ESRRG: variants seen among roughly 807,000 people sequenced by gnomAD.
The protein encoded by ESRRG is estrogen related receptor gamma.
Under a neutral mutation model 44.0 loss-of-function variants are expected in ESRRG, and 13 were observed. The ratio of observed to expected loss-of-function variants is 0.30; its 90% CI spans 0.19 to 0.47. ESRRG has a LOEUF of 0.47. ESRRG is among the 20% of genes least tolerant of loss of function. ESRRG has a pLI of 1.00. For synonymous variants in ESRRG, 215 were observed against 214.6 expected, an observed-to-expected ratio of 1.00 and a Z score of -0.02; for missense variants, 395 against 580.6, an observed-to-expected ratio of 0.68 and a Z score of 3.29.
intron 1 of ESRRG, among the ~76,000 whole-genome samples, chr1:216,713,588 G>C (rs1225655819): frequency 1.3e-5 from 2 of 152,178 alleles, no homozygotes; most frequent in Non-Finnish European, 2.9e-5. Flanking sequence ...TTGGAGTGGA[G>C]AAAGGAGTAC....
chr1:216,761,372 C>A (rs1402565670), intron 2 of ESRRG, among the ~76,000 whole-genome samples: 2 of 151,930 alleles, frequency 1.3e-5, no homozygotes, highest in Admixed American at 1.3e-4. Context: ...TGAAAAGTGG[C>A]AAATTTCAGT....
At chr1:217,103,374 C>T (rs540999106) in intron 1 of ESRRG, among the ~76,000 whole-genome samples, 1 of 151,742 alleles carries the variant, frequency 6.6e-6, no homozygotes, top group African/African-American at 2.4e-5. Flanking sequence ...GGCCGGGCAC[C>T]ATGGCTCACA....
At chr1:216,555,924 C>T (rs776603799) in intron 5 of ESRRG, among the ~76,000 whole-genome samples, 9 of 152,120 alleles carry the variant, frequency 5.9e-5, no homozygotes, top group South Asian at 2.1e-4. Context: ...GGAAAAAGTG[C>T]GACCAGCCCA....
chr1:216,539,049 C>T (rs937271503), intron 5 of ESRRG, among the ~76,000 whole-genome samples: 1 of 151,966 alleles, frequency 6.6e-6, no homozygotes, highest in Non-Finnish European at 1.5e-5. Context: ...GAGATACATG[C>T]TTATTTCTCA....
At chr1:217,033,307 G>T (rs2082345396) in intron 1 of ESRRG, among the ~76,000 whole-genome samples, 1 of 152,136 alleles carries the variant, frequency 6.6e-6, no homozygotes, top group African/African-American at 2.4e-5. Context: ...AATCTCAGAG[G>T]CCATTTCCTA....
intron 5 of ESRRG, among the ~76,000 whole-genome samples, chr1:216,548,918 G>C (rs1428266778): frequency 6.6e-6 from 1 of 152,114 alleles, no homozygotes; most frequent in African/African-American, 2.4e-5. Flanking sequence ...TCAAATGAGA[G>C]TGTTTATTAA....
chr1:216,661,960 C>A (rs1455155325), intron 2 of ESRRG, among the ~76,000 whole-genome samples: 1 of 152,074 alleles, frequency 6.6e-6, no homozygotes, highest in Admixed American at 6.6e-5. Flanking sequence ...TTCCGTGTGA[C>A]TTTGGAGCAG....
intron 3 of ESRRG, among the ~76,000 whole-genome samples, chr1:216,589,130 A>T (rs1268633969): frequency 6.6e-6 from 1 of 152,194 alleles, no homozygotes; most frequent in East Asian, 1.9e-4. Flanking sequence ...GAAATTCAAG[A>T]TGTATTGCAC....
At chr1:216,912,875 A>C (rs1466334274) in intron 2 of ESRRG, among the ~76,000 whole-genome samples, 1 of 152,066 alleles carries the variant, frequency 6.6e-6, no homozygotes, top group Non-Finnish European at 1.5e-5. Flanking sequence ...TAATGCCAGC[A>C]CTTTGGGAGG....
At chr1:216,668,921 A>G (rs909394759) in intron 2 of ESRRG, among the ~76,000 whole-genome samples, 1 of 152,330 alleles carries the variant, frequency 6.6e-6, no homozygotes, top group Non-Finnish European at 1.5e-5. Context: ...TATGTACACA[A>G]AACTGCCTAG....
At chr1:216,855,298 C>T (rs576006529) in intron 2 of ESRRG, among the ~76,000 whole-genome samples, 2 of 152,274 alleles carry the variant, frequency 1.3e-5, no homozygotes, top group South Asian at 4.1e-4. Flanking sequence ...AAACAATAAA[C>T]AGTAGCTCTC....
At chr1:216,797,033 A>T (rs765622772) in intron 2 of ESRRG, among the ~76,000 whole-genome samples, 10 of 152,050 alleles carry the variant, frequency 6.6e-5, no homozygotes, top group Non-Finnish European at 1.3e-4. Context: ...CTGGGATTAC[A>T]GGCGTGTGCT....
intron 2 of ESRRG, among the ~76,000 whole-genome samples, chr1:216,913,645 C>T (rs981721190): frequency 4.6e-5 from 7 of 152,236 alleles, no homozygotes; most frequent in African/African-American, 1.2e-4. Flanking sequence ...ATTCCTCAAG[C>T]GTGCTGCATC....
At chr1:216,688,840 A>G (rs2078518903) in intron 1 of ESRRG, among the ~76,000 whole-genome samples, 1 of 152,206 alleles carries the variant, frequency 6.6e-6, no homozygotes, top group African/African-American at 2.4e-5. Flanking sequence ...GAAAAGCTGA[A>G]ATTGTATTTT....
At chr1:216,552,352 C>T (rs1055691555) in intron 5 of ESRRG, among the ~76,000 whole-genome samples, 1 of 152,120 alleles carries the variant, frequency 6.6e-6, no homozygotes, top group Non-Finnish European at 1.5e-5. Context: ...CACAACTGAG[C>T]ATTAATAGAC....
At chr1:217,133,645 C>CTCTCTCTTTCTTTCTTTCTTTCTT (rs1266397788) in intron 1 of ESRRG, among the ~76,000 whole-genome samples, 78 of 91,732 alleles carry the variant, frequency 8.5e-4, no homozygotes, top group South Asian at 2.1e-3. Context: ...CTCTCTCTCT[C>CTCTCTCTTTCTTTCTTTCTTTCTT]TCTTTCTTTC....
At chr1:217,097,672 A>G (rs1580566287) in intron 1 of ESRRG, among the ~76,000 whole-genome samples, 1 of 152,152 alleles carries the variant, frequency 6.6e-6, no homozygotes, top group Admixed American at 6.5e-5. Context: ...TAAATGAGAT[A>G]ATGCATGTGA....
At chr1:216,521,595 C>G (rs1238851060) in intron 5 of ESRRG, among the ~76,000 whole-genome samples, 1 of 152,104 alleles carries the variant, frequency 6.6e-6, no homozygotes, top group Non-Finnish European at 1.5e-5. Flanking sequence ...CCCGCAGCAC[C>G]TTCCTGTGAC....
At chr1:216,809,972 T>C (rs1010632794) in intron 2 of ESRRG, among the ~76,000 whole-genome samples, 2 of 152,018 alleles carry the variant, frequency 1.3e-5, no homozygotes, top group African/African-American at 4.8e-5. Context: ...ATGAGATGAG[T>C]GCATAAGCTC....
Sources: allele counts gnomAD v4.1 joint callset (sites outside exome capture counted in the v4.1 genomes callset), GRCh38; gene constraint gnomAD v4.1.1; transcripts MANE v1.5; gene names NCBI Gene and HGNC (gene_info 2026-07-23, HGNC 2026-07-21).